The following TM9SF3 variants were observed in gnomAD, a reference collection of about 807,000 sequenced individuals.
TM9SF3 encodes SM-11044-binding protein.
Under a neutral mutation model 78.6 loss-of-function variants are expected in TM9SF3, and 14 were observed. That is an observed-to-expected ratio of 0.18 (90% CI 0.12 to 0.28). TM9SF3 has a LOEUF of 0.28. TM9SF3 is among the 10% of genes least tolerant of loss of function. The pLI is 1.00. For missense variants in TM9SF3, 496 were observed against 721.9 expected (o/e 0.69, Z 3.59); for synonymous variants, 231 against 241.7 (o/e 0.96, Z 0.41).
At chr10:96,569,427 G>A (rs1306362572) in intron 2 of TM9SF3, among the ~76,000 whole-genome samples, 3 of 152,142 alleles carry the variant, frequency 2.0e-5, no homozygotes, top group Non-Finnish European at 4.4e-5. Flanking sequence ...AATAACTGCT[G>A]AATTAACTAG....
chr10:96,567,800 A>G (rs1180666338), intron 2 of TM9SF3, among the ~76,000 whole-genome samples: 1 of 152,222 alleles, frequency 6.6e-6, no homozygotes, highest in African/African-American at 2.4e-5. Flanking sequence ...TGCACAGACT[A>G]GGCACTAAAC....
chr10:96,542,853 T>G (rs1848050487), intron 9 of TM9SF3, among the ~76,000 whole-genome samples: 1 of 152,126 alleles, frequency 6.6e-6, no homozygotes, highest in Admixed American at 6.5e-5. Context: ...AAATATTTAA[T>G]AAAAATGTAT....
At chr10:96,550,222 G>A (rs1848150943) in intron 7 of TM9SF3, among the ~76,000 whole-genome samples, 1 of 152,136 alleles carries the variant, frequency 6.6e-6, no homozygotes, top group Non-Finnish European at 1.5e-5. Flanking sequence ...AACAAGCATT[G>A]ACTGAATACC....
intron 2 of TM9SF3, among the ~76,000 whole-genome samples, chr10:96,570,016 C>T (rs947400644): frequency 1.3e-5 from 2 of 151,894 alleles, no homozygotes; most frequent in East Asian, 1.9e-4. Context: ...AGCGAGACTC[C>T]GTCTCAAAAA....
intron 9 of TM9SF3, among the ~76,000 whole-genome samples, chr10:96,533,929 C>T (rs140774946): frequency 1.3e-5 from 2 of 152,134 alleles, no homozygotes; most frequent in East Asian, 1.9e-4. Flanking sequence ...AGCTCTTTTC[C>T]GGCCAACCAT....
At position 96,521,603 on chromosome 10, in the gene TM9SF3, CT is replaced by C. The variant is rs1267956615; in HGVS notation, c.*659del. On this transcript the variant is annotated 3_prime_UTR_variant, in exon 15 of 15. Coordinates refer to ENST00000371142, the MANE Select transcript of TM9SF3 (RefSeq NM_020123.4). ...TTCTTTGGATGGAATTAAGATGTAA[CT>C]GTATAGTTTTAAGATAAATAAATGG... The C allele has an allele frequency of 6.6e-6, 1 of 151,452 alleles. No individual in the cohort carries two copies. The highest frequency in any genetic ancestry group is 1.5e-5 in the Non-Finnish European group (1 of 67,368). 9.4% of individuals were successfully genotyped at this position (151,452 alleles called of 1,614,324 possible).
intron 4 of TM9SF3, 151 bp from the exon 5 acceptor site, chr10:96,559,887 A>G: frequency 1.7e-6 from 1 of 583,106 alleles, no homozygotes; most frequent in Non-Finnish European, 3.0e-6. Context: ...TGAGAAGTGG[A>G]AACGATTATG....
In TM9SF3 at chr10:96,547,890, G is replaced by A; in HGVS notation, c.1054+5C>T. The A allele has an allele frequency of 6.3e-7, 1 of 1,599,272 alleles. No individual in the cohort carries two copies. Among genetic ancestry groups the A allele is most frequent in the South Asian group, 1.1e-5 (1 of 88,486 alleles). ...AACAACATGAAGTGAGAATTCGTAA[G>A]TTACCTCCTTGTCTAGCATACAGAC... On this transcript the variant is annotated splice_donor_5th_base_variant and intron_variant, in intron 8 of 14. Transcript: ENST00000371142.
At chr10:96,547,486 T>C (rs957678730) in intron 8 of TM9SF3, among the ~76,000 whole-genome samples, 2 of 152,096 alleles carry the variant, frequency 1.3e-5, no homozygotes, top group African/African-American at 2.4e-5. Flanking sequence ...GAACACACAA[T>C]AGGTTTGGTA....
At chr10:96,550,723 T>C (rs758456916) in intron 7 of TM9SF3, among the ~76,000 whole-genome samples, 5 of 152,232 alleles carry the variant, frequency 3.3e-5, no homozygotes, top group African/African-American at 1.2e-4. Context: ...TGTGTCAAGA[T>C]AGGATGCATA....
chr10:96,542,985 T>C (rs1848052003), intron 9 of TM9SF3, among the ~76,000 whole-genome samples: 1 of 152,216 alleles, frequency 6.6e-6, no homozygotes, highest in Non-Finnish European at 1.5e-5. Flanking sequence ...AAAACAGATA[T>C]TGTGGGCTCT....
Position 96,528,068 on chromosome 10 carries a change from A to C in TM9SF3, c.1504T>G (p.Cys502Gly). 1 of 1,612,786 alleles carries C rather than the reference A, an allele frequency of 6.2e-7. No individual in the cohort carries two copies. The highest frequency in any genetic ancestry group is 8.5e-7 in the Non-Finnish European group (1 of 1,179,032). ...CIVTVCVTIV[C>G]TYFLLNAEDY... Reference sequence around the variant, plus strand: ...TCTGCATTTAGTAGAAAATATGTGCACACAATAGTCACACAGACAGTCACA... The same window carrying C: ...TCTGCATTTAGTAGAAAATATGTGCCCACAATAGTCACACAGACAGTCACA... The change falls in exon 12 of 15, where the codon TGC (cysteine) becomes GGC (glycine). Residue 502 changes from cysteine (C) to glycine (G), a missense_variant. This residue lies in a region of TM9SF3 where 280 missense variants were observed against 422.6 expected (regional missense o/e 0.66). Transcript: ENST00000371142.
In TM9SF3 at chr10:96,521,033, A is replaced by C; in HGVS notation, c.*1230T>G. 2.5e-6 allele frequency: 1 copy of C among 394,172 alleles called. No homozygotes were observed. The highest frequency in any genetic ancestry group is 4.5e-6 in the Non-Finnish European group (1 of 222,428). 24.4% of individuals were successfully genotyped at this position (394,172 alleles called of 1,614,324 possible). ...ACATTCTAAAGCAATAATGCTTTAGATGTTACTTAAGTGTCCCAGACAGGA... is the reference window on the plus strand; with the variant it reads ...ACATTCTAAAGCAATAATGCTTTAGCTGTTACTTAAGTGTCCCAGACAGGA... On this transcript the variant is annotated 3_prime_UTR_variant, in exon 15 of 15. Coordinates refer to ENST00000371142, the MANE Select transcript of TM9SF3 (RefSeq NM_020123.4).
At chr10:96,533,437 A>G (rs1005129080) in intron 9 of TM9SF3, among the ~76,000 whole-genome samples, 2 of 152,214 alleles carry the variant, frequency 1.3e-5, no homozygotes. Context: ...CTATTCTTCC[A>G]GACTATCTCT....
intron 8 of TM9SF3, among the ~76,000 whole-genome samples, chr10:96,545,910 T>TCAAC (rs1848092656): frequency 6.6e-6 from 1 of 151,948 alleles, no homozygotes; most frequent in African/African-American, 2.4e-5. Context: ...AATCAATCAA[T>TCAAC]CAATCAATCA....
intron 7 of TM9SF3, among the ~76,000 whole-genome samples, chr10:96,550,406 C>T (rs549132217): frequency 7.9e-5 from 12 of 152,272 alleles, no homozygotes; most frequent in Admixed American, 7.8e-4. Flanking sequence ...GTATTGCTTG[C>T]CCATCAAACG....
At chr10:96,576,851 A>G in intron 1 of TM9SF3, 22 bp from the exon 2 acceptor site, 3 of 1,466,182 alleles carry the variant, frequency 2.0e-6, no homozygotes, top group African/African-American at 1.5e-5. Flanking sequence ...AAAGCAAACA[A>G]GAATTAAAAA....
chr10:96,558,118 T>A (rs1445202867), intron 5 of TM9SF3, among the ~76,000 whole-genome samples: 1 of 152,182 alleles, frequency 6.6e-6, no homozygotes, highest in Admixed American at 6.5e-5. Context: ...GTTGTCAATG[T>A]CCAGTGGGGC....
chr10:96,581,469 AAC>A (rs1356214463), intron 1 of TM9SF3, among the ~76,000 whole-genome samples: 1 of 152,240 alleles, frequency 6.6e-6, no homozygotes, highest in African/African-American at 2.4e-5. Flanking sequence ...AAATTATTAA[AAC>A]ACACATCAGA....
Sources: gnomAD v4.1 joint callset for allele counts (sites outside exome capture counted in the v4.1 genomes callset) on GRCh38, gnomAD v4.1.1 for gene constraint, gnomAD v4.1.1 regional missense constraint, MANE v1.5 for transcripts, NCBI Gene and HGNC (gene_info 2026-07-23, HGNC 2026-07-21) for gene names.